UTY: variants seen among roughly 807,000 people sequenced by gnomAD.
UTY encodes ubiquitously transcribed tetratricopeptide repeat containing, Y-linked.
A neutral mutation model predicts 32.5 loss-of-function variants in UTY; 12 were observed. The ratio of observed to expected loss-of-function variants is 0.37; its 90% confidence interval spans 0.24 to 0.60. The LOEUF (loss-of-function observed/expected upper bound fraction) is 0.60. UTY is among the 20% of genes least tolerant of loss of function. The pLI is 0.69. For synonymous variants in UTY, 131 were observed against 103.4 expected, an observed-to-expected ratio of 1.27 and a Z score of -1.62; for missense variants, 303 against 299.2, an observed-to-expected ratio of 1.01 and a Z score of -0.09.
At chrY:13,427,179 A>C (rs2073408588) in intron 4 of UTY, among the ~76,000 whole-genome samples, 1 of 33,947 alleles carries the variant, frequency 2.9e-5, no homozygotes, top group African/African-American at 1.1e-4. Context: ...TGGCAATCAC[A>C]CAGCAAAAAG....
At chrY:13,376,720 G>C in intron 8 of UTY, among the ~76,000 whole-genome samples, 1 of 33,133 alleles carries the variant, frequency 3.0e-5, no homozygotes, top group East Asian at 7.9e-4. Flanking sequence ...ACAAACAGTA[G>C]AGCACCCAAA....
chrY:13,349,356 AC>A (rs2062179593), intron 17 of UTY, among the ~76,000 whole-genome samples: 2 of 32,482 alleles, frequency 6.2e-5, no homozygotes, highest in South Asian at 1.3e-3. Flanking sequence ...GCTGACCAGC[AC>A]TTGTGAAGGA....
At chrY:13,362,015 A>C (rs2063594263) in intron 10 of UTY, among the ~76,000 whole-genome samples, 1 of 33,720 alleles carries the variant, frequency 3.0e-5, no homozygotes, top group South Asian at 6.6e-4. Flanking sequence ...TGAATAGAAA[A>C]GAAAGAAATT....
chrY:13,372,892 C>G, intron 8 of UTY, among the ~76,000 whole-genome samples: 1 of 33,292 alleles, frequency 3.0e-5, no homozygotes, highest in Non-Finnish European at 7.4e-5. Context: ...TATCACTTCA[C>G]AATCACCAGG....
intron 3 of UTY, among the ~76,000 whole-genome samples, chrY:13,455,203 G>A: frequency 3.1e-5 from 1 of 32,666 alleles, no homozygotes; most frequent in Non-Finnish European, 7.5e-5. Context: ...AAAAGTTTTC[G>A]AAGAGTGGTG....
At chrY:13,302,483 C>T in intron 25 of UTY, among the ~76,000 whole-genome samples, 1 of 33,817 alleles carries the variant, frequency 3.0e-5, no homozygotes, top group Non-Finnish European at 7.4e-5. Context: ...TTGTCACCTA[C>T]GACAGAATGC....
intron 27 of UTY, among the ~76,000 whole-genome samples, chrY:13,288,286 G>A (rs2057541559): frequency 4.4e-5 from 1 of 22,764 alleles, no homozygotes; most frequent in Non-Finnish European, 8.8e-5. Flanking sequence ...TAATAGTACC[G>A]CAAAAAAAAA....
downstream of UTY, chrY:13,234,576 T>C: frequency 7.5e-6 from 1 of 133,753 alleles, no homozygotes; most frequent in Non-Finnish European, 1.6e-5. Context: ...CGTGGACAAA[T>C]GGAAGGAGAA....
chrY:13,311,054 C>CTCTA (rs2059020511), intron 21 of UTY, among the ~76,000 whole-genome samples: 1 of 30,124 alleles, frequency 3.3e-5, no homozygotes, highest in Non-Finnish European at 8.0e-5. Flanking sequence ...CACCACTGTG[C>CTCTA]TCTAGCCTGG....
intron 27 of UTY, among the ~76,000 whole-genome samples, chrY:13,269,960 G>A (rs780409685): frequency 4.6e-4 from 16 of 34,532 alleles, no homozygotes; most frequent in Non-Finnish European, 8.0e-4. Context: ...GATCTCACTA[G>A]GAGTTGTAGA....
Position 13,251,150 on chromosome Y carries a change from C to T in UTY, c.4175G>A (p.Ser1392Asn), listed in dbSNP as rs949489334. 2.5e-6 allele frequency: 1 copy of T among 392,671 alleles called. No homozygotes were observed. The highest frequency in any genetic ancestry group is 3.6e-6 in the Non-Finnish European group (1 of 280,561). ...VFNLLFVTNE[S>N]NTQKTYIVHC... ...TACTATGTAGGTTTTTTGAGTATTG[C>T]TTTCATTAGTGACAAAAAGCAGATT... The change falls in exon 29 of 30, where the codon AGC becomes AAC. Residue 1392 changes from serine to asparagine, a missense_variant. Ser to Asn is a conservative substitution (Grantham distance 46). Transcript: ENST00000545955.
chrY:13,382,867 T>C (rs2066288333), intron 8 of UTY, among the ~76,000 whole-genome samples: 1 of 33,813 alleles, frequency 3.0e-5, no homozygotes, highest in Non-Finnish European at 7.3e-5. Context: ...ACTCCTATTA[T>C]AGCACGAGTA....
chrY:13,380,029 ATGTG>A, intron 8 of UTY, among the ~76,000 whole-genome samples: 5 of 5,142 alleles, frequency 9.7e-4, no homozygotes, highest in Non-Finnish European at 9.2e-4. Flanking sequence ...ATATATATAG[ATGTG>A]TGTGTGTGTG....
intron 27 of UTY, among the ~76,000 whole-genome samples, chrY:13,286,125 C>T (rs2148639255): frequency 2.9e-5 from 1 of 33,925 alleles, no homozygotes; most frequent in Admixed American, 2.6e-4. Context: ...ACTAGCCCTG[C>T]TCCAGTCACA....
At chrY:13,446,615 T>TAGACAGAC (rs1452698833) in intron 4 of UTY, among the ~76,000 whole-genome samples, 26 of 13,460 alleles carry the variant, frequency 1.9e-3, no homozygotes, top group East Asian at 3.9e-3. Context: ...GATAGATAGA[T>TAGACAGAC]AGATAGACAG....
At chrY:13,375,755 T>C in intron 8 of UTY, among the ~76,000 whole-genome samples, 1 of 33,817 alleles carries the variant, frequency 3.0e-5, no homozygotes, top group Admixed American at 2.7e-4. Context: ...GTAGTTTCCA[T>C]TATGCAGCAG....
intron 17 of UTY, among the ~76,000 whole-genome samples, chrY:13,342,346 G>T: frequency 3.0e-5 from 1 of 33,845 alleles, no homozygotes; most frequent in Non-Finnish European, 7.3e-5. Flanking sequence ...AAAGCCCTCT[G>T]GAGATTACCA....
intron 3 of UTY, among the ~76,000 whole-genome samples, chrY:13,462,605 T>G: frequency 6.0e-5 from 2 of 33,078 alleles, no homozygotes; most frequent in African/African-American, 2.4e-4. Context: ...GTAGCAGGTA[T>G]CAGTACTCCA....
intron 3 of UTY, among the ~76,000 whole-genome samples, chrY:13,466,905 A>G: frequency 2.9e-5 from 1 of 34,140 alleles, no homozygotes; most frequent in African/African-American, 1.1e-4. Flanking sequence ...GTCTAAAAAG[A>G]CTAATTCTTT....
Sources: gnomAD v4.1 joint callset for allele counts (sites outside exome capture counted in the v4.1 genomes callset) on GRCh38, gnomAD v4.1.1 for gene constraint, MANE v1.5 for transcripts, NCBI Gene and HGNC (gene_info 2026-07-23, HGNC 2026-07-21) for gene names.